The following LTBP4 variants were observed in gnomAD, a reference collection of about 807,000 sequenced individuals.
LTBP4 encodes the protein latent-transforming growth factor beta-binding protein 4.
A neutral mutation model predicts 180.2 loss-of-function variants in LTBP4; 93 were observed. The ratio of observed to expected loss-of-function variants is 0.52; its 90% CI spans 0.44 to 0.61. LTBP4 has a LOEUF of 0.61. Ranked by LOEUF, LTBP4 falls within the 20% of genes least tolerant of loss-of-function variation. LTBP4 has a pLI of 0.00. For missense variants in LTBP4, 2,116 were observed against 2,256.5 expected (o/e 0.94, Z 1.26); for synonymous variants, 947 against 934.5 (o/e 1.01, Z -0.24).
intron 18 of LTBP4, 53 bp downstream of exon 18, chr19:40,614,091 C>T (rs2081529432): frequency 6.2e-7 from 1 of 1,600,572 alleles, no homozygotes; most frequent in African/African-American, 1.3e-5. Context: ...CCCCGACTCG[C>T]CGATTGGCCT....
chr19:40,613,722 G>A lies in LTBP4; in HGVS notation c.2557+193G>A, dbSNP rs1425626676. 2 of 1,214,294 alleles carry A rather than the reference G, an allele frequency of 1.6e-6. No homozygotes were observed. The highest frequency in any genetic ancestry group is 2.3e-6 in the Non-Finnish European group (2 of 859,874). The allele number at this position is 1,214,294 out of a possible 1,614,324, so 75.2% of individuals were successfully genotyped here. A position where few individuals can be genotyped will look rare whatever the true frequency, so the allele number is the denominator to read the frequency against. ...GTGGAGATGAAAGGGCCGAGTCTGG[G>A]TATTTGGACCGTGATTGTAAAGAAG... is the stretch of plus-strand genomic sequence containing the variant. On this transcript the variant is annotated intron_variant, in intron 17 of 29. Transcript: ENST00000396819. This position sits in a 1 kb window ranked among gnomAD's most constrained non-coding sequence, Gnocchi z 5.0.
chr19:40,617,884 G>C (rs2081561510), intron 21 of LTBP4, among the ~76,000 whole-genome samples: 1 of 152,066 alleles, frequency 6.6e-6, no homozygotes, highest in Non-Finnish European at 1.5e-5. Context: ...TCATGATCTA[G>C]ATTATATTAT....
chr19:40,605,527 G>C lies in LTBP4; in HGVS notation c.565G>C (p.Glu189Gln). The C allele has an allele frequency of 6.2e-7, 1 of 1,608,558 alleles. No homozygotes were observed. Among genetic ancestry groups the C allele is most frequent in the Non-Finnish European group, 8.5e-7 (1 of 1,178,338 alleles). ...EADAEAVARA[E>Q]AAARAEAAAP... is the part of the protein sequence containing the mutation. Reference sequence around the variant, plus strand: ...GGACGCTGAGGCGGTGGCGCGGGCGGAAGCGGCGGCGCGGGCGGAGGCGGC... The same window carrying C: ...GGACGCTGAGGCGGTGGCGCGGGCGCAAGCGGCGGCGCGGGCGGAGGCGGC... Residue 189 changes from glutamate to glutamine, a missense_variant, in exon 3 of 30, where the codon GAA becomes CAA. By Grantham distance (29) the Glu-to-Gln change is conservative. Transcript: ENST00000396819. The surrounding 1 kb of genome is among the most constrained non-coding windows in gnomAD (Gnocchi z 5.5).
rs2081663869 is a variant in LTBP4, at chr19:40,629,592, G to C, written c.*42G>C. On this transcript the variant is annotated 3_prime_UTR_variant, in exon 30 of 30. Coordinates refer to ENST00000396819, the MANE Select transcript of LTBP4 (RefSeq NM_001042545.2). This position sits in a 1 kb window ranked among gnomAD's most constrained non-coding sequence, Gnocchi z 4.5. The stretch of plus-strand genomic sequence containing the variant: ...GCCGCCCACCCGCGCCCGCCACTCG[G>C]GGCCCCTGCCGCGCATCCTGCAGCC... 7.5e-7 allele frequency: 1 copy of C among 1,340,040 alleles called. No homozygotes were observed. The allele number at this position is 1,340,040 out of a possible 1,614,324, so 83.0% of individuals were successfully genotyped here. A position where few individuals can be genotyped will look rare whatever the true frequency, so the allele number is the denominator to read the frequency against.
intron 1 of LTBP4, among the ~76,000 whole-genome samples, chr19:40,602,333 G>A (rs954048693): frequency 6.6e-6 from 1 of 151,646 alleles, no homozygotes. Flanking sequence ...TCCTAGAGAT[G>A]GGGAGCCTTG....
chr19:40,611,770 C>T lies in LTBP4; in HGVS notation c.2054-89C>T. On this transcript the variant is annotated intron_variant, in intron 13 of 29. Transcript: ENST00000396819. The surrounding 1 kb of genome is among the most constrained non-coding windows in gnomAD (Gnocchi z 4.4). ...GCCTGAGGCAAGTCCAGAAGGCAGG[C>T]TCAAGACTGGAATGCTGGGGTGGGT... The T allele has an allele frequency of 4.0e-6, 6 of 1,510,140 alleles. No homozygotes were observed. The highest frequency in any genetic ancestry group is 5.3e-6 in the Non-Finnish European group (6 of 1,122,022). The allele number at this position is 1,510,140 out of a possible 1,614,324, so 93.5% of individuals were successfully genotyped here.
Position 40,616,879 on chromosome 19 carries a change from C to G in LTBP4, c.2813-10C>G. 6.2e-7 allele frequency: 1 copy of G among 1,613,912 alleles called. No homozygotes were observed. Among genetic ancestry groups the G allele is most frequent in the Non-Finnish European group, 8.5e-7 (1 of 1,179,888 alleles). ...TTTGACTCCCCTTTCATCTCCTCCA[C>G]ACTCTGCAGATGTGGATGAGTGCCA... On this transcript the variant is annotated splice_polypyrimidine_tract_variant and intron_variant, in intron 19 of 29. Transcript: ENST00000396819.
chr19:40,616,233 C>T (rs1253570740), intron 19 of LTBP4, among the ~76,000 whole-genome samples: 1 of 150,250 alleles, frequency 6.7e-6, no homozygotes, highest in Non-Finnish European at 1.5e-5. Flanking sequence ...GGTTGAAGCT[C>T]CAGTGAGCCA....
At chr19:40,606,343 G>C (rs775262067) in intron 5 of LTBP4, 36 bp downstream of exon 5, 2 of 1,601,792 alleles carry the variant, frequency 1.2e-6, no homozygotes, top group Non-Finnish European at 8.5e-7. Context: ...GCTTGGTTCT[G>C]GGGGCGGGAT....
In LTBP4 at chr19:40,609,522, C is replaced by G. The variant is rs772907998; in HGVS notation, c.1427-8C>G. On this transcript the variant is annotated splice_polypyrimidine_tract_variant and splice_region_variant and intron_variant, in intron 9 of 29. Transcript: ENST00000396819. The surrounding 1 kb of genome is among the most constrained non-coding windows in gnomAD (Gnocchi z 4.9). ...GATGGGGGAACCCTGGCTGACTGGA[C>G]CCCCCAGGTCCCTCCTCCGGCATGT... 6.2e-7 allele frequency: 1 copy of G among 1,609,398 alleles called. No individual in the cohort carries two copies. Among genetic ancestry groups the G allele is most frequent in the East Asian group, 2.2e-5 (1 of 44,756 alleles).
chr19:40,610,075 A>G, intron 11 of LTBP4: 1 of 646,010 alleles, frequency 1.5e-6, no homozygotes, highest in East Asian at 3.1e-5. Flanking sequence ...CCAGCTCCCA[A>G]ACTGCCAGTT....
rs2081524233 is a variant in LTBP4, at chr19:40,613,565, T to C, written c.2557+36T>C. The C allele has an allele frequency of 6.4e-7, 1 of 1,551,286 alleles. No homozygotes were observed. The highest frequency in any genetic ancestry group is 8.7e-7 in the Non-Finnish European group (1 of 1,150,694). Reference sequence around the variant, plus strand: ...GGGCTGATCCTGGCCCCGGAAAGGGTGGGCTTAGGGCAGGAAAAGGCGGGA... The same window carrying C: ...GGGCTGATCCTGGCCCCGGAAAGGGCGGGCTTAGGGCAGGAAAAGGCGGGA... On this transcript the variant is annotated intron_variant, in intron 17 of 29. Coordinates refer to ENST00000396819, the MANE Select transcript of LTBP4 (RefSeq NM_001042545.2). The surrounding 1 kb of genome is among the most constrained non-coding windows in gnomAD (Gnocchi z 5.0).
upstream of LTBP4, chr19:40,597,509 A>G: frequency 9.3e-7 from 1 of 1,077,048 alleles, no homozygotes; most frequent in Non-Finnish European, 1.2e-6. Flanking sequence ...GGGCCCTTGG[A>G]TTTATTAGGC....
Position 40,613,712 on chromosome 19 carries a change from C to A in LTBP4, c.2557+183C>A. Reference sequence around the variant, plus strand: ...GGGGCGGGGCGTGGAGATGAAAGGGCCGAGTCTGGGTATTTGGACCGTGAT... The same window carrying A: ...GGGGCGGGGCGTGGAGATGAAAGGGACGAGTCTGGGTATTTGGACCGTGAT... On this transcript the variant is annotated intron_variant, in intron 17 of 29. Coordinates refer to ENST00000396819, the MANE Select transcript of LTBP4 (RefSeq NM_001042545.2). The surrounding 1 kb of genome is among the most constrained non-coding windows in gnomAD (Gnocchi z 5.0). 8.2e-7 allele frequency: 1 copy of A among 1,223,792 alleles called. No homozygotes were observed. Among genetic ancestry groups the A allele is most frequent in the Non-Finnish European group, 1.2e-6 (1 of 869,084 alleles). 75.8% of individuals were successfully genotyped at this position (1,223,792 alleles called of 1,614,324 possible).
At chr19:40,616,665 AG>A (rs2081551152) in intron 19 of LTBP4, among the ~76,000 whole-genome samples, 1 of 152,206 alleles carries the variant, frequency 6.6e-6, no homozygotes, top group African/African-American at 2.4e-5. Flanking sequence ...AGGAGGCAAA[AG>A]TTGCAGTGAG....
rs563225794 is a variant in LTBP4 at position 40,607,738 on chromosome 19, T to C, written c.1156+209T>C. 2.0e-5 allele frequency among the ~76,000 whole-genome samples: 3 copies of C among 152,280 alleles called. No homozygotes were observed. In the South Asian group the frequency reaches 6.2e-4, roughly 32 times the overall value. On this transcript the variant is annotated intron_variant, in intron 7 of 29. Coordinates refer to ENST00000396819, the MANE Select transcript of LTBP4 (RefSeq NM_001042545.2). ...GTAGCCACAGCCACCCCTCCATTCG[T>C]AGCCACAGCTACCCCGGAGCTCCCA...
chr19:40,623,685 A>T lies in LTBP4; in HGVS notation c.3638A>T (p.Tyr1213Phe). 6.2e-7 allele frequency: 1 copy of T among 1,613,776 alleles called. No homozygotes were observed. ...CVNTAPGYSC[Y>F]CSNGYYYHTQ... is the part of the protein sequence containing the mutation. ...AACACGGCCCCGGGCTACTCATGCT[A>T]TTGCAGCAACGGCTACTACTACCAC... is the stretch of plus-strand genomic sequence containing the variant. The change falls in exon 25 of 30, where the codon TAT (tyrosine) becomes TTT (phenylalanine). Residue 1213 changes from tyrosine to phenylalanine, a missense_variant. Around this residue, in one of 5 missense-constraint regions of LTBP4, gnomAD observed 278 missense variants for 373.0 expected, o/e 0.75. Coordinates refer to ENST00000396819, the MANE Select transcript of LTBP4 (RefSeq NM_001042545.2).
At chr19:40,604,441 C>T (rs1039281357) in intron 1 of LTBP4, among the ~76,000 whole-genome samples, 2 of 152,074 alleles carry the variant, frequency 1.3e-5, no homozygotes, top group Non-Finnish European at 2.9e-5. Flanking sequence ...GCTGGAACAG[C>T]AAAGGGTTCC....
chr19:40,613,382 C>G lies in LTBP4; in HGVS notation c.2432-22C>G, dbSNP rs1195578536. 4 of 1,601,014 alleles carry G rather than the reference C, an allele frequency of 2.5e-6. No homozygotes were observed. The East Asian group carries it at 9.1e-5, about 36-fold the overall frequency. ...TGGGAGGCCGGGTCCCGTGACTCCG[C>G]CCAATCTCCCGCGTACCCTAGACGT... On this transcript the variant is annotated intron_variant, in intron 16 of 29. Transcript: ENST00000396819. The surrounding 1 kb of genome is among the most constrained non-coding windows in gnomAD (Gnocchi z 5.0).
Sources: allele counts gnomAD v4.1 joint callset (sites outside exome capture counted in the v4.1 genomes callset), GRCh38; gene constraint gnomAD v4.1.1; regional missense constraint gnomAD v4.1.1; non-coding constraint Gnocchi (gnomAD v3.1); transcripts MANE v1.5; gene names NCBI Gene and HGNC (gene_info 2026-07-23, HGNC 2026-07-21).